Variants in SEPTIN4 observed in about 807,000 individuals in gnomAD.
The protein encoded by SEPTIN4 is septin 4, also known as septin-4.
A neutral mutation model predicts 107.1 loss-of-function variants in SEPTIN4; 52 were observed. The ratio of observed to expected loss-of-function variants is 0.49; its 90% CI spans 0.39 to 0.61. The LOEUF (loss-of-function observed/expected upper bound fraction) is 0.61, where lower values mean the gene tolerates loss of function less well. Ranked by LOEUF, SEPTIN4 falls within the 20% of genes least tolerant of loss-of-function variation. The probability of loss-of-function intolerance (pLI) is 0.00; values close to 1 mark genes in which losing one functional copy is unlikely to be tolerated. For synonymous variants in SEPTIN4, 417 were observed against 467.0 expected (o/e 0.89, Z 1.38); for missense variants, 1,048 against 1,243.5 (o/e 0.84, Z 2.36).
rs1295357819 is a variant in SEPTIN4, at chr17:58,520,428, A to G, written c.2989T>C (p.Ter997GlnextTer49). The G allele has an allele frequency of 1.2e-6, 2 of 1,612,932 alleles. No individual in the cohort carries two copies. The change falls in exon 14 of 14, where the codon TAA (stop) becomes CAA (glutamine). Residue 997 changes from the stop codon to glutamine, a stop_lost. Transcript: ENST00000672673. Reference sequence around the variant, plus strand: ...AAATATCCAGGGCTGAAAGCCAGTTAATAGTTCTCCTTCATCTGTTTTTGT... The same window carrying G: ...AAATATCCAGGGCTGAAAGCCAGTTGATAGTTCTCCTTCATCTGTTTTTGT... The part of the protein sequence containing the change: ...KIQKQMKENY[*>Q]
chr17:58,543,186 C>T lies in SEPTIN4; in HGVS notation c.1001G>A (p.Arg334Lys). 4 of 1,614,076 alleles carry T rather than the reference C, an allele frequency of 2.5e-6. No individual in the cohort carries two copies. The highest frequency in any genetic ancestry group is 3.4e-6 in the Non-Finnish European group (4 of 1,179,986). Residue 334 changes from arginine to lysine, a missense_variant, in exon 1 of 14, where the codon AGG becomes AAG. Coordinates refer to ENST00000672673, the MANE Select transcript of SEPTIN4 (RefSeq NM_001368771.2). ...PIRGNSEVGR[R>K]VTISPGVQSV... ...CTGTACCCCTGGGGAGATGGTGACCCTGCGGCCAACCTCGCTGTTTCCTCG... is the reference window on the plus strand; with the variant it reads ...CTGTACCCCTGGGGAGATGGTGACCTTGCGGCCAACCTCGCTGTTTCCTCG...
chr17:58,540,619 G>A, intron 3 of SEPTIN4, 47 bp downstream of exon 3: 1 of 1,321,566 alleles, frequency 7.6e-7, no homozygotes, highest in Non-Finnish European at 9.7e-7. Flanking sequence ...TTGGATTGTG[G>A]GGTGGGCCCA....
chr17:58,529,026 C>A (rs1425054068), intron 3 of SEPTIN4: 5 of 1,516,026 alleles, frequency 3.3e-6, no homozygotes, highest in Admixed American at 3.3e-5. Context: ...TGCCAGTGAC[C>A]AAATCATTTT....
intron 7 of SEPTIN4, among the ~76,000 whole-genome samples, chr17:58,524,026 T>C (rs1005743767): frequency 5.9e-5 from 9 of 152,192 alleles, no homozygotes; most frequent in East Asian, 1.9e-4. Context: ...GGTAAATTGA[T>C]TGAAGGAGAT....
At chr17:58,524,088 C>A in intron 7 of SEPTIN4, among the ~76,000 whole-genome samples, 1 of 152,300 alleles carries the variant, frequency 6.6e-6, no homozygotes, top group East Asian at 1.9e-4. Flanking sequence ...TTTGAACTCT[C>A]TGTCTAGGGC....
At chr17:58,526,074 G>T in intron 5 of SEPTIN4, 146 bp downstream of exon 5, 2 of 416,444 alleles carry the variant, frequency 4.8e-6, no homozygotes, top group Non-Finnish European at 7.3e-6. Flanking sequence ...CACTCTCACA[G>T]GCCAATGACT....
chr17:58,529,889 G>T (rs1248107563), intron 3 of SEPTIN4: 1 of 151,574 alleles, frequency 6.6e-6, no homozygotes, highest in African/African-American at 2.4e-5. Context: ...CCACAGAGAA[G>T]ACTTTGCTCC....
chr17:58,520,768 TTC>T lies in SEPTIN4; in HGVS notation c.2904_2905del (p.Lys969AlafsTer7), dbSNP rs2042177725. 1 of 1,614,048 alleles carries T rather than the reference TTC, an allele frequency of 6.2e-7. No homozygotes were observed. Among genetic ancestry groups the T allele is most frequent in the Admixed American group, 1.7e-5 (1 of 60,002 alleles). On this transcript the variant is annotated frameshift_variant, in exon 13 of 14. Transcript: ENST00000672673. LOFTEE classifies it high-confidence loss of function. ...CTCCTCATCTTTCTCTCGGATAAGC[TTC>T]TCAGTTTCTGGATCTGTCCCTGGTG...
intron 2 of SEPTIN4, 156 bp from the exon 3 acceptor site, chr17:58,540,829 A>G (rs1000495418): frequency 1.8e-5 from 11 of 609,918 alleles, no homozygotes; most frequent in Non-Finnish European, 2.4e-6. Flanking sequence ...GGCCCAAACA[A>G]CAGCAGCTAG....
intron 6 of SEPTIN4, chr17:58,525,430 C>T (rs1396646319): frequency 1.6e-5 from 10 of 623,308 alleles, no homozygotes; most frequent in South Asian, 8.1e-5. Context: ...TCTCTGCTCC[C>T]GGTTTTTTTC....
At position 58,542,630 on chromosome 17, in the gene SEPTIN4, G is replaced by A. The variant is rs2144270519; in HGVS notation, c.1557C>T (p.Phe519=). ...KQPIQRFTAF[F]LDVSEEMYNR... The stretch of plus-strand genomic sequence containing the variant: ...GCAGTCTGCTTCTTCACATACCCAG[G>A]AAGAAAGCAGTAAACCTTTGAATGG... Residue 519 remains phenylalanine, a synonymous_variant, in exon 1 of 14, where the codon TTC becomes TTT. Transcript: ENST00000672673. 6 of 1,608,996 alleles carry A rather than the reference G, an allele frequency of 3.7e-6. No individual in the cohort carries two copies. Among genetic ancestry groups the A allele is most frequent in the Non-Finnish European group, 5.1e-6 (6 of 1,177,668 alleles).
intron 7 of SEPTIN4, among the ~76,000 whole-genome samples, chr17:58,522,503 T>C (rs778043498): frequency 3.3e-5 from 5 of 151,182 alleles, no homozygotes; most frequent in African/African-American, 7.3e-5. Flanking sequence ...CCACTAAAAA[T>C]ACAAAAATTA....
At chr17:58,525,865 G>A in intron 5 of SEPTIN4, 84 bp from the exon 6 acceptor site, 1 of 1,179,796 alleles carries the variant, frequency 8.5e-7, no homozygotes, top group South Asian at 1.3e-5. Context: ...AGGTTTAGGG[G>A]GGACTGCTTT....
rs2042863940 is a variant in SEPTIN4 at position 58,526,300 on chromosome 17, T to G, written c.1925A>C (p.Tyr642Ser). The part of the protein sequence containing the change: ...PYDSSEDDKE[Y>S]VGFATLPNQV... ...GTTGGGGAGGGTTGCAAAGCCCACA[T>G]ACTCCTTGTCATCCTAGTAGACAGG... Residue 642 changes from tyrosine (Y) to serine (S), a missense_variant, in exon 5 of 14, where the codon TAT becomes TCT. This residue lies in a region of SEPTIN4 where 787 missense variants were observed against 871.8 expected (regional missense o/e 0.90). Coordinates refer to ENST00000672673, the MANE Select transcript of SEPTIN4 (RefSeq NM_001368771.2). 1 of 1,595,290 alleles carries G rather than the reference T, an allele frequency of 6.3e-7. No homozygotes were observed. The highest frequency in any genetic ancestry group is 1.4e-5 in the African/African-American group (1 of 73,946).
chr17:58,523,431 T>C (rs115631759), intron 7 of SEPTIN4, among the ~76,000 whole-genome samples: 98 of 151,660 alleles, frequency 6.5e-4, no homozygotes, highest in Middle Eastern at 3.4e-3. Flanking sequence ...CTGTAGGTCA[T>C]TTAGCTAGTA....
Position 58,541,960 on chromosome 17 carries a change from G to C in SEPTIN4, c.1568C>G (p.Ser523Cys). ...QRFTAFFLDV[S>C]EEMYNRVIWW... ...GATGACACGATTGTACATTTCCTCA[G>C]AGACATCTGAAAGTAACAGAGAGAT... The change falls in exon 2 of 14, where the codon TCT (serine) becomes TGT (cysteine). Residue 523 changes from serine to cysteine, a missense_variant. Ser to Cys is a moderately radical substitution (Grantham distance 112, BLOSUM62 -1). Around this residue, in one of 2 missense-constraint regions of SEPTIN4, gnomAD observed 787 missense variants for 871.8 expected, o/e 0.90. Coordinates refer to ENST00000672673, the MANE Select transcript of SEPTIN4 (RefSeq NM_001368771.2). The C allele has an allele frequency of 1.9e-6, 3 of 1,613,940 alleles. No individual in the cohort carries two copies. Among genetic ancestry groups the C allele is most frequent in the Non-Finnish European group, 2.5e-6 (3 of 1,179,980 alleles).
intron 3 of SEPTIN4, chr17:58,527,211 G>C (rs1420880392): frequency 8.7e-6 from 7 of 801,640 alleles, no homozygotes; most frequent in Non-Finnish European, 1.5e-5. Context: ...GGTCCAGGAA[G>C]AGCCCTGGGC....
rs751012102 is a variant in SEPTIN4, at chr17:58,521,934, G to A, written c.2351+33C>T. 36 of 1,614,092 alleles carry A rather than the reference G, an allele frequency of 2.2e-5. No homozygotes were observed. The highest frequency in any genetic ancestry group is 6.6e-5 in the South Asian group (6 of 91,096). ...TTGGCCTGTTCCCTTGACAGCACCC[G>A]GTGGTGCCAGGAGCCTCAGGCTTGG... is the stretch of plus-strand genomic sequence containing the variant. On this transcript the variant is annotated intron_variant, in intron 8 of 13. Coordinates refer to ENST00000672673, the MANE Select transcript of SEPTIN4 (RefSeq NM_001368771.2). The surrounding 1 kb of genome is among the most constrained non-coding windows in gnomAD (Gnocchi z 6.4).
At position 58,523,297 on chromosome 17, in the gene SEPTIN4, C is replaced by T. The variant is rs550989109; in HGVS notation, c.2217-1196G>A. The stretch of plus-strand genomic sequence containing the variant: ...GGTTGAGGTGGGAAGATAACCTGAG[C>T]CCGGGGAGCCCCGGGAGGTGGTTGA... On this transcript the variant is annotated intron_variant, in intron 7 of 13. Coordinates refer to ENST00000672673, the MANE Select transcript of SEPTIN4 (RefSeq NM_001368771.2). 3.3e-5 allele frequency among the ~76,000 whole-genome samples: 5 copies of T among 151,544 alleles called. 1 individual carries two copies. In the Middle Eastern group the frequency reaches 0.014, roughly 412 times the overall value.
Sources: gnomAD v4.1 joint callset for allele counts (sites outside exome capture counted in the v4.1 genomes callset) on GRCh38, gnomAD v4.1.1 for gene constraint, gnomAD v4.1.1 regional missense constraint, Gnocchi (gnomAD v3.1) non-coding constraint, MANE v1.5 for transcripts, NCBI Gene and HGNC (gene_info 2026-07-23, HGNC 2026-07-21) for gene names.